Variants in HCRTR2 observed in about 807,000 individuals in gnomAD.
HCRTR2 encodes orexin receptor type 2.
HCRTR2 carries 22 observed loss-of-function variants against 49.0 expected under a neutral mutation model. That is an observed-to-expected ratio of 0.45 (90% CI 0.32 to 0.64). The LOEUF is 0.64. HCRTR2 is among the 30% of genes least tolerant of loss of function. HCRTR2 has a pLI of 0.04. For missense variants in HCRTR2, 491 were observed against 559.4 expected, an observed-to-expected ratio of 0.88 and a Z score of 1.23; for synonymous variants, 236 against 205.3, an observed-to-expected ratio of 1.15 and a Z score of -1.28.
chr6:55,148,898 G>A (rs547708514), intron 1 of HCRTR2, among the ~76,000 whole-genome samples: 60 of 152,184 alleles, frequency 3.9e-4, no homozygotes, highest in African/African-American at 1.4e-3. Flanking sequence ...TACAGACAGA[G>A]AACTTGAATG....
chr6:55,145,402 T>G (rs912422786), intron 1 of HCRTR2, among the ~76,000 whole-genome samples: 1 of 118,864 alleles, frequency 8.4e-6, no homozygotes, highest in African/African-American at 3.1e-5. Context: ...TGTTTTTTTT[T>G]TTGTTTTTTT....
At chr6:55,187,403 C>G (rs1765235080) in intron 1 of HCRTR2, among the ~76,000 whole-genome samples, 1 of 97,658 alleles carries the variant, frequency 1.0e-5, no homozygotes, top group African/African-American at 4.0e-5. Flanking sequence ...CAGAGTGAGA[C>G]TCCGTCTCAA....
At chr6:55,178,149 T>C (rs1343367623) in intron 1 of HCRTR2, among the ~76,000 whole-genome samples, 1 of 152,142 alleles carries the variant, frequency 6.6e-6, no homozygotes, top group African/African-American at 2.4e-5. Flanking sequence ...GTGACTGATG[T>C]TAATTTTTAC....
chr6:55,253,544 T>C (rs182443661), intron 2 of HCRTR2, among the ~76,000 whole-genome samples: 17 of 152,246 alleles, frequency 1.1e-4, no homozygotes, highest in Admixed American at 2.0e-4. Context: ...TATTAATGGA[T>C]TAACAAATAT....
chr6:55,136,235 A>G (rs187728057), intron 1 of HCRTR2, among the ~76,000 whole-genome samples: 50 of 152,310 alleles, frequency 3.3e-4, no homozygotes, highest in African/African-American at 1.1e-3. Context: ...TGAAAAATAT[A>G]TAGACAATTT....
intron 1 of HCRTR2, among the ~76,000 whole-genome samples, chr6:55,216,284 C>T (rs993485263): frequency 6.6e-6 from 1 of 152,060 alleles, no homozygotes; most frequent in Admixed American, 6.6e-5. Context: ...CCATGACCTC[C>T]CATAATTTAT....
At chr6:55,265,553 G>T (rs190986983) in intron 4 of HCRTR2, among the ~76,000 whole-genome samples, 8 of 152,086 alleles carry the variant, frequency 5.3e-5, no homozygotes, top group African/African-American at 1.9e-4. Context: ...TTATGAACCG[G>T]CATGTGTTAC....
chr6:55,180,647 TA>T (rs1765115637), intron 1 of HCRTR2, among the ~76,000 whole-genome samples: 1 of 152,210 alleles, frequency 6.6e-6, no homozygotes, highest in African/African-American at 2.4e-5. Flanking sequence ...GTGCTATTTT[TA>T]GACACAATTT....
chr6:55,239,707 T>C (rs1315406169), intron 1 of HCRTR2, among the ~76,000 whole-genome samples: 1 of 152,172 alleles, frequency 6.6e-6, no homozygotes, highest in African/African-American at 2.4e-5. Flanking sequence ...TTATATTTTC[T>C]TTTCTTGAGG....
intron 1 of HCRTR2, among the ~76,000 whole-genome samples, chr6:55,195,693 C>T (rs959820310): frequency 3.9e-5 from 6 of 152,048 alleles, no homozygotes; most frequent in Non-Finnish European, 5.9e-5. Context: ...TATTCATGGC[C>T]GGGCGTGGTG....
intron 1 of HCRTR2, among the ~76,000 whole-genome samples, chr6:55,201,426 T>C: frequency 6.6e-6 from 1 of 152,096 alleles, no homozygotes; most frequent in East Asian, 1.9e-4. Flanking sequence ...ATAAGGTACA[T>C]CTAGAATACT....
intron 4 of HCRTR2, among the ~76,000 whole-genome samples, chr6:55,265,875 G>A (rs1766851259): frequency 6.6e-6 from 1 of 152,088 alleles, no homozygotes; most frequent in Non-Finnish European, 1.5e-5. Context: ...TTTGGTACAT[G>A]CATTCAGGTG....
At chr6:55,277,352 A>G in intron 4 of HCRTR2, 28 bp from the exon 5 acceptor site, 1 of 1,569,452 alleles carries the variant, frequency 6.4e-7, no homozygotes, top group East Asian at 2.2e-5. Flanking sequence ...GTCAAATTGC[A>G]ATAAGGGTCT....
chr6:55,264,772 C>T (rs769448482), intron 4 of HCRTR2, among the ~76,000 whole-genome samples: 1 of 152,084 alleles, frequency 6.6e-6, no homozygotes, highest in Non-Finnish European at 1.5e-5. Context: ...TTCTCTCGTT[C>T]TCTAAACTTA....
At chr6:55,215,230 A>C (rs1765766640) in intron 1 of HCRTR2, among the ~76,000 whole-genome samples, 1 of 152,224 alleles carries the variant, frequency 6.6e-6, no homozygotes, top group Admixed American at 6.5e-5. Flanking sequence ...TGAGAATATC[A>C]GCAGATTTCT....
intron 4 of HCRTR2, among the ~76,000 whole-genome samples, chr6:55,269,729 C>T (rs947569474): frequency 4.6e-5 from 7 of 151,952 alleles, no homozygotes; most frequent in South Asian, 2.1e-4. Flanking sequence ...GAGACTGAGG[C>T]GGGAGGATCA....
intron 1 of HCRTR2, among the ~76,000 whole-genome samples, chr6:55,192,438 C>CACACAA (rs1474213666): frequency 4.6e-5 from 7 of 151,280 alleles, no homozygotes; most frequent in Admixed American, 2.0e-4. Context: ...CACACACACA[C>CACACAA]AAATTAGCTG....
chr6:55,187,151 A>G (rs1310910001), intron 1 of HCRTR2, among the ~76,000 whole-genome samples: 3 of 152,088 alleles, frequency 2.0e-5, no homozygotes, highest in African/African-American at 7.2e-5. Context: ...TCATGCCTGT[A>G]ATCCCAGCAC....
intron 1 of HCRTR2, among the ~76,000 whole-genome samples, chr6:55,142,988 G>A (rs1246203153): frequency 2.1e-5 from 1 of 46,532 alleles, no homozygotes; most frequent in Non-Finnish European, 4.0e-5. Flanking sequence ...AAAGATGATA[G>A]ATGATAGATA....
Sources: allele counts gnomAD v4.1 joint callset (sites outside exome capture counted in the v4.1 genomes callset), GRCh38; gene constraint gnomAD v4.1.1; transcripts MANE v1.5; gene names NCBI Gene and HGNC (gene_info 2026-07-23, HGNC 2026-07-21).